The following CRACD variants were observed in gnomAD, a reference collection of about 807,000 sequenced individuals.
The protein encoded by CRACD is capping protein inhibiting regulator of actin dynamics, also known as capping protein-inhibiting regulator of actin dynamics.
A neutral mutation model predicts 106.8 loss-of-function variants in CRACD; 56 were observed. The observed-to-expected ratio is 0.52, with a 90% CI of 0.42 to 0.66. The LOEUF is 0.66. Among genes scored for constraint, CRACD ranks in the 30% least tolerant of loss-of-function variants. The probability of loss-of-function intolerance (pLI) is 0.00; values close to 1 mark genes in which losing one functional copy is unlikely to be tolerated. For synonymous variants in CRACD, 754 were observed against 670.8 expected (o/e 1.12, Z -1.92); for missense variants, 1,730 against 1,623.2 (o/e 1.07, Z -1.13).
chr4:56,077,383 G>A (rs1732878294), intron 1 of CRACD, among the ~76,000 whole-genome samples: 1 of 152,148 alleles, frequency 6.6e-6, no homozygotes. Flanking sequence ...GCATTATGGG[G>A]ATTACAATTC....
At chr4:56,099,009 A>C (rs4865050) in intron 1 of CRACD, among the ~76,000 whole-genome samples, 9,826 of 152,226 alleles carry the variant, frequency 0.065, 352 homozygotes, top group East Asian at 0.19. Context: ...GGTAAACAGC[A>C]TGAACTCTCT....
chr4:56,106,024 G>A (rs976586271), intron 1 of CRACD, among the ~76,000 whole-genome samples: 1 of 151,922 alleles, frequency 6.6e-6, no homozygotes, highest in South Asian at 2.1e-4. Flanking sequence ...CTGCAAAGTG[G>A]CTGGGTGTGT....
intron 1 of CRACD, among the ~76,000 whole-genome samples, chr4:56,067,827 C>T (rs1419273310): frequency 6.6e-6 from 1 of 152,198 alleles, no homozygotes; most frequent in Non-Finnish European, 1.5e-5. Flanking sequence ...CCACCTGCCT[C>T]GGCCTTCCAA....
chr4:56,134,547 C>G (rs914847030), intron 1 of CRACD, among the ~76,000 whole-genome samples: 2 of 152,176 alleles, frequency 1.3e-5, no homozygotes, highest in Non-Finnish European at 2.9e-5. Flanking sequence ...AAGGAACTAG[C>G]CAGAGTCTGG....
intron 1 of CRACD, among the ~76,000 whole-genome samples, chr4:56,174,336 T>C (rs886713673): frequency 6.6e-6 from 1 of 152,224 alleles, no homozygotes; most frequent in Non-Finnish European, 1.5e-5. Flanking sequence ...TATTTTGATA[T>C]ATACAATAAA....
chr4:56,100,445 A>G (rs1437397320), intron 1 of CRACD, among the ~76,000 whole-genome samples: 1 of 152,222 alleles, frequency 6.6e-6, no homozygotes, highest in East Asian at 1.9e-4. Context: ...AATTAGAGTA[A>G]CTTTACTGCC....
chr4:56,248,322 C>A (rs17086524), intron 2 of CRACD, among the ~76,000 whole-genome samples: 1 of 152,054 alleles, frequency 6.6e-6, no homozygotes, highest in Non-Finnish European at 1.5e-5. Context: ...CCGCTCATAC[C>A]TGGAAGACTC....
chr4:56,103,902 G>C (rs1448371935), intron 1 of CRACD, among the ~76,000 whole-genome samples: 2 of 152,102 alleles, frequency 1.3e-5, no homozygotes, highest in African/African-American at 4.8e-5. Flanking sequence ...TGCCTTCCAA[G>C]TGTCTGGGAT....
At chr4:56,295,166 GTTAC>G (rs1279730721) in intron 3 of CRACD, among the ~76,000 whole-genome samples, 1 of 151,882 alleles carries the variant, frequency 6.6e-6, no homozygotes, top group African/African-American at 2.4e-5. Context: ...AATATAGACA[GTTAC>G]TTAATTTATA....
intron 2 of CRACD, among the ~76,000 whole-genome samples, chr4:56,238,277 A>C (rs1253187159): frequency 6.6e-6 from 1 of 152,222 alleles, no homozygotes; most frequent in Non-Finnish European, 1.5e-5. Context: ...GAAGAGTTGA[A>C]TAGCAGGGAG....
intron 1 of CRACD, among the ~76,000 whole-genome samples, chr4:56,166,650 G>A (rs1322506270): frequency 8.1e-6 from 1 of 122,958 alleles, no homozygotes. Context: ...CTCTAGCCTG[G>A]GTGAGACAGA....
At chr4:56,155,696 C>T (rs1247580228) in intron 1 of CRACD, among the ~76,000 whole-genome samples, 1 of 152,186 alleles carries the variant, frequency 6.6e-6, no homozygotes, top group Non-Finnish European at 1.5e-5. Flanking sequence ...AGAATGAGCA[C>T]AAGTTTTCGG....
In CRACD at chr4:56,314,271, G is replaced by C. The variant is rs772735246; in HGVS notation, c.769G>C (p.Glu257Gln). The C allele has an allele frequency of 6.4e-7, 1 of 1,563,608 alleles. No individual in the cohort carries two copies. Residue 257 changes from glutamate (E) to glutamine (Q), a missense_variant, in exon 8 of 11, where the codon GAG becomes CAG. By Grantham distance (29) the Glu-to-Gln change is conservative. Coordinates refer to ENST00000682029, the MANE Select transcript of CRACD (RefSeq NM_001393381.1). This position sits in a 1 kb window ranked among gnomAD's most constrained non-coding sequence, Gnocchi z 4.4. ...RLEEQRLQAL[E>Q]RRLWEENRRQ... ...AGAGGAGCAGAGGCTGCAGGCGCTG[G>C]AGAGGAGGCTTTGGGAAGAGAACAG...
intron 2 of CRACD, among the ~76,000 whole-genome samples, chr4:56,221,726 A>T (rs1372677285): frequency 6.6e-6 from 1 of 152,224 alleles, no homozygotes; most frequent in Non-Finnish European, 1.5e-5. Context: ...TGGGCAAATG[A>T]CATGAACAGA....
intron 1 of CRACD, among the ~76,000 whole-genome samples, chr4:56,089,043 G>T (rs1577955383): frequency 6.6e-6 from 1 of 152,236 alleles, no homozygotes; most frequent in East Asian, 1.9e-4. Context: ...CTGTAGTATT[G>T]TACCTCAACT....
At chr4:56,198,458 G>A (rs909474649) in intron 2 of CRACD, among the ~76,000 whole-genome samples, 6 of 152,124 alleles carry the variant, frequency 3.9e-5, no homozygotes, top group African/African-American at 1.4e-4. Context: ...GGAGTAGGGC[G>A]GAGGCTAGTG....
intron 1 of CRACD, among the ~76,000 whole-genome samples, chr4:56,125,613 T>C (rs528143044): frequency 2.6e-4 from 40 of 152,108 alleles, no homozygotes; most frequent in African/African-American, 8.7e-4. Context: ...GATGGGATCT[T>C]ACTGTGTTGT....
chr4:56,139,861 T>A (rs1008993303), intron 1 of CRACD, among the ~76,000 whole-genome samples: 3 of 152,196 alleles, frequency 2.0e-5, no homozygotes, highest in Non-Finnish European at 4.4e-5. Context: ...ATTCTCCACA[T>A]ATTTAAGCTT....
chr4:56,213,316 T>G (rs56959754), intron 2 of CRACD, among the ~76,000 whole-genome samples: 52,743 of 151,910 alleles, frequency 0.35, 9,336 homozygotes, highest in Non-Finnish European at 0.36. Context: ...CGTAGTGGCG[T>G]ATGCCTGTAA....
Sources: gnomAD v4.1 joint callset for allele counts (sites outside exome capture counted in the v4.1 genomes callset) on GRCh38, gnomAD v4.1.1 for gene constraint, Gnocchi (gnomAD v3.1) non-coding constraint, MANE v1.5 for transcripts, NCBI Gene and HGNC (gene_info 2026-07-23, HGNC 2026-07-21) for gene names.